Variants in PCDH15 observed in about 807,000 individuals in gnomAD.
The protein encoded by PCDH15 is protocadherin related 15, also known as protocadherin-15.
Under a neutral mutation model 178.5 loss-of-function variants are expected in PCDH15, and 129 were observed. The observed-to-expected ratio is 0.72, with a 90% CI of 0.63 to 0.84. The LOEUF (loss-of-function observed/expected upper bound fraction) is 0.84. PCDH15 is among the 40% of genes least tolerant of loss of function. The pLI, the probability that PCDH15 is intolerant of heterozygous loss-of-function variation, is 0.00. For synonymous variants in PCDH15, 800 were observed against 732.0 expected, an observed-to-expected ratio of 1.09 and a Z score of -1.50; for missense variants, 2,230 against 2,099.9, an observed-to-expected ratio of 1.06 and a Z score of -1.21.
intron 8 of PCDH15, among the ~76,000 whole-genome samples, chr10:54,306,609 C>T (rs2060486542): frequency 6.6e-6 from 1 of 151,944 alleles, no homozygotes; most frequent in Non-Finnish European, 1.5e-5. Flanking sequence ...TTAATATCAT[C>T]TGAAAGCATA....
At chr10:55,083,795 T>A (rs538305979) in intron 2 of PCDH15, among the ~76,000 whole-genome samples, 2 of 151,600 alleles carry the variant, frequency 1.3e-5, no homozygotes, top group Non-Finnish European at 3.0e-5. Context: ...GAAAAAGAAC[T>A]CAAGAAAGTA....
At chr10:54,283,999 T>G (rs1038984488) in intron 8 of PCDH15, among the ~76,000 whole-genome samples, 7 of 151,254 alleles carry the variant, frequency 4.6e-5, no homozygotes, top group Non-Finnish European at 7.4e-5. Flanking sequence ...GCCCAAATAA[T>G]TTTAAAAAAA....
At chr10:55,140,096 T>C in intron 2 of PCDH15, among the ~76,000 whole-genome samples, 1 of 151,976 alleles carries the variant, frequency 6.6e-6, no homozygotes, top group East Asian at 1.9e-4. Flanking sequence ...ATGCAGTTGA[T>C]TTTTTAAATG....
At chr10:54,964,199 C>G (rs1038840499) in intron 2 of PCDH15, among the ~76,000 whole-genome samples, 12 of 152,102 alleles carry the variant, frequency 7.9e-5, no homozygotes, top group Non-Finnish European at 1.2e-4. Context: ...GGAACTTTTT[C>G]AAGTTTTAAG....
intron 2 of PCDH15, among the ~76,000 whole-genome samples, chr10:55,433,247 C>G (rs1423118734): frequency 6.6e-6 from 1 of 151,978 alleles, no homozygotes; most frequent in African/African-American, 2.4e-5. Context: ...GTATGTATAC[C>G]CCATTGAATA....
intron 8 of PCDH15, among the ~76,000 whole-genome samples, chr10:54,296,927 C>T (rs2059831933): frequency 6.6e-6 from 1 of 152,168 alleles, no homozygotes; most frequent in Non-Finnish European, 1.5e-5. Flanking sequence ...ATGCTTAGGA[C>T]TCTAACAGGT....
intron 2 of PCDH15, among the ~76,000 whole-genome samples, chr10:54,619,652 A>G (rs1839744330): frequency 6.6e-6 from 1 of 152,056 alleles, no homozygotes; most frequent in African/African-American, 2.4e-5. Context: ...TCACTTTGCA[A>G]AAGTGACTTC....
intron 27 of PCDH15, among the ~76,000 whole-genome samples, chr10:53,862,788 C>G (rs1288659982): frequency 1.3e-5 from 2 of 152,166 alleles, no homozygotes; most frequent in East Asian, 3.9e-4. Context: ...TTCCTTGAGG[C>G]AACCATCTTC....
At chr10:55,066,526 G>T (rs2132006135) in intron 2 of PCDH15, among the ~76,000 whole-genome samples, 1 of 148,224 alleles carries the variant, frequency 6.7e-6, no homozygotes, top group South Asian at 2.1e-4. Context: ...ATTACATGAG[G>T]CTTTTATTTT....
At position 54,190,742 on chromosome 10, in the gene PCDH15, C is replaced by T. The variant is rs371659781; in HGVS notation, c.1305+4941G>A. ...TTTACCTTGAAGTAAAATTCATGCC[C>T]ATAAACTAAAATGGCTTTAAAGTTT... On this transcript the variant is annotated intron_variant, in intron 11 of 37. Transcript: ENST00000644397. 2.6e-5 allele frequency among the ~76,000 whole-genome samples: 4 copies of T among 152,234 alleles called. No homozygotes were observed. The South Asian group carries it at 8.3e-4, about 32-fold the overall frequency.
intron 1 of PCDH15, among the ~76,000 whole-genome samples, chr10:54,682,578 T>G (rs2094919600): frequency 6.6e-6 from 1 of 152,230 alleles, no homozygotes; most frequent in African/African-American, 2.4e-5. Flanking sequence ...TGTTTGATAC[T>G]TCTTATATGT....
At chr10:54,421,562 G>A (rs994060463) in intron 3 of PCDH15, among the ~76,000 whole-genome samples, 64 of 143,250 alleles carry the variant, frequency 4.5e-4, no homozygotes, top group African/African-American at 9.1e-4. Context: ...TAACTAATTC[G>A]TATAAGATGC....
intron 2 of PCDH15, among the ~76,000 whole-genome samples, chr10:55,032,037 G>A (rs966856164): frequency 2.0e-5 from 3 of 152,112 alleles, no homozygotes; most frequent in Non-Finnish European, 4.4e-5. Flanking sequence ...GCTAGAAAAA[G>A]CCTCTATTGA....
intron 3 of PCDH15, among the ~76,000 whole-genome samples, chr10:54,472,829 G>C (rs1035531367): frequency 2.6e-5 from 4 of 152,126 alleles, no homozygotes; most frequent in African/African-American, 9.7e-5. Flanking sequence ...CACATAGGTA[G>C]AGGCATGGGA....
chr10:54,499,325 A>G (rs1290546346), intron 3 of PCDH15, among the ~76,000 whole-genome samples: 1 of 152,118 alleles, frequency 6.6e-6, no homozygotes, highest in East Asian at 1.9e-4. Flanking sequence ...AATGCACCTA[A>G]CAGACATCTA....
intron 3 of PCDH15, among the ~76,000 whole-genome samples, chr10:54,526,068 G>A (rs1031888869): frequency 6.6e-6 from 1 of 152,156 alleles, no homozygotes; most frequent in African/African-American, 2.4e-5. Context: ...ACTATATCAT[G>A]TCATTTTCTT....
intron 26 of PCDH15, among the ~76,000 whole-genome samples, chr10:53,894,900 C>T (rs977591897): frequency 6.6e-6 from 1 of 152,138 alleles, no homozygotes; most frequent in African/African-American, 2.4e-5. Context: ...ATTAGAATGT[C>T]AGTCCAGTGC....
intron 2 of PCDH15, among the ~76,000 whole-genome samples, chr10:54,936,427 T>C (rs1207363436): frequency 6.6e-6 from 1 of 151,998 alleles, no homozygotes; most frequent in Non-Finnish European, 1.5e-5. Flanking sequence ...TAAGGGCAAG[T>C]TTGTTTAAAA....
intron 2 of PCDH15, among the ~76,000 whole-genome samples, chr10:55,163,069 G>A (rs1036915334): frequency 6.6e-6 from 1 of 152,072 alleles, no homozygotes; most frequent in African/African-American, 2.4e-5. Flanking sequence ...ACTCAGTCCA[G>A]AAGGACCATT....
Sources: gnomAD v4.1 joint callset for allele counts (sites outside exome capture counted in the v4.1 genomes callset) on GRCh38, gnomAD v4.1.1 for gene constraint, MANE v1.5 for transcripts, NCBI Gene and HGNC (gene_info 2026-07-23, HGNC 2026-07-21) for gene names.